The following MET variants were observed in gnomAD, a reference collection of about 807,000 sequenced individuals.
MET encodes hepatocyte growth factor receptor.
A neutral mutation model predicts 133.1 loss-of-function variants in MET; 48 were observed. The ratio of observed to expected loss-of-function variants is 0.36; its 90% CI spans 0.29 to 0.46. The LOEUF is 0.46. Ranked by LOEUF, MET falls within the 20% of genes least tolerant of loss-of-function variation. The pLI is 1.00. For missense variants in MET, 1,442 were observed against 1,695.9 expected (o/e 0.85, Z 2.63); for synonymous variants, 628 against 616.5 (o/e 1.02, Z -0.28).
intron 1 of MET, among the ~76,000 whole-genome samples, chr7:116,677,280 C>T (rs571198784): frequency 1.3e-5 from 2 of 152,290 alleles, no homozygotes; most frequent in African/African-American, 2.4e-5. Flanking sequence ...CCTTCCTTTT[C>T]CTTTCCAGTA....
At chr7:116,677,073 A>C (rs909470004) in intron 1 of MET, among the ~76,000 whole-genome samples, 1 of 151,504 alleles carries the variant, frequency 6.6e-6, no homozygotes, top group Non-Finnish European at 1.5e-5. Context: ...CCTCTATCAG[A>C]GATATTGCTC....
At chr7:116,743,255 C>T (rs1395333171) in intron 5 of MET, among the ~76,000 whole-genome samples, 1 of 152,238 alleles carries the variant, frequency 6.6e-6, no homozygotes, top group Admixed American at 6.5e-5. Flanking sequence ...AGGAGATTCC[C>T]TCATTTGCCT....
intron 19 of MET, among the ~76,000 whole-genome samples, chr7:116,790,158 C>A (rs951949650): frequency 3.9e-5 from 6 of 152,182 alleles, no homozygotes; most frequent in African/African-American, 1.4e-4. Flanking sequence ...CTGCATACAA[C>A]CATTTTTAAA....
In MET at chr7:116,722,110, G is replaced by A. The variant is rs1270700890; in HGVS notation, c.1201-9558G>A. ...TGTTAAAGTCTCCCATTATTAATGT[G>A]TGGGAGTCTAAGTCTCTTTGTAGGT... On this transcript the variant is annotated intron_variant, in intron 2 of 20. Transcript: ENST00000397752. Among the ~76,000 whole-genome samples, 18 of 151,380 alleles carry A rather than the reference G, an allele frequency of 1.2e-4. No homozygotes were observed. The East Asian group carries it at 2.9e-3, about 24-fold the overall frequency.
intron 11 of MET, among the ~76,000 whole-genome samples, chr7:116,764,720 C>T (rs1448959323): frequency 2.0e-5 from 3 of 152,076 alleles, no homozygotes; most frequent in Non-Finnish European, 4.4e-5. Flanking sequence ...CAATGGTATT[C>T]CCAACATGGC....
At chr7:116,675,748 C>T (rs1584845846) in intron 1 of MET, among the ~76,000 whole-genome samples, 3 of 142,872 alleles carry the variant, frequency 2.1e-5, no homozygotes, top group South Asian at 4.6e-4. Context: ...CTCCAGTTCT[C>T]TCTCTCTTTT....
At chr7:116,724,575 G>C (rs1792662666) in intron 2 of MET, among the ~76,000 whole-genome samples, 1 of 152,154 alleles carries the variant, frequency 6.6e-6, no homozygotes, top group Non-Finnish European at 1.5e-5. Context: ...AGCCTGTAGT[G>C]GTTGGAGGAC....
intron 1 of MET, 56 bp downstream of exon 1, chr7:116,672,633 GCTTT>G (rs1796015822): frequency 2.7e-6 from 1 of 373,320 alleles, no homozygotes; most frequent in Non-Finnish European, 4.8e-6. Flanking sequence ...CAGGGGTTCT[GCTTT>G]CTTTGTTCCC....
In MET at chr7:116,699,565, A is replaced by G. The variant is rs1584876914; in HGVS notation, c.481A>G (p.Ile161Val). Residue 161 changes from isoleucine (I) to valine (V), a missense_variant, in exon 2 of 21, where the codon ATA becomes GTA. Coordinates refer to ENST00000397752, the MANE Select transcript of MET (RefSeq NM_000245.4). ...TGACATACAGTCGGAGGTTCACTGC[A>G]TATTCTCCCCACAGATAGAAGAGCC... ...TADIQSEVHC[I>V]FSPQIEEPSQ... 2 of 1,613,866 alleles carry G rather than the reference A, an allele frequency of 1.2e-6. No homozygotes were observed. Among genetic ancestry groups the G allele is most frequent in the African/African-American group, 1.3e-5 (1 of 74,898 alleles).
At chr7:116,743,986 CA>C (rs1291544396) in intron 5 of MET, among the ~76,000 whole-genome samples, 1 of 152,162 alleles carries the variant, frequency 6.6e-6, no homozygotes, top group Non-Finnish European at 1.5e-5. Context: ...AAAGCAATAG[CA>C]TTAACATAAA....
chr7:116,713,394 C>CA (rs749848531), intron 2 of MET, among the ~76,000 whole-genome samples: 4,893 of 77,226 alleles, frequency 0.063, 264 homozygotes, highest in African/African-American at 0.16. Flanking sequence ...GACTCCGTCT[C>CA]AAAAAAAAAA....
At chr7:116,788,167 CCAAGAGA>C (rs1795375653) in intron 19 of MET, among the ~76,000 whole-genome samples, 1 of 151,934 alleles carries the variant, frequency 6.6e-6, no homozygotes, top group Non-Finnish European at 1.5e-5. Context: ...TTGCCTGGGG[CCAAGAGA>C]AGGAGTGAAG....
At chr7:116,732,508 TAA>T (rs893196174) in intron 3 of MET, among the ~76,000 whole-genome samples, 2 of 152,346 alleles carry the variant, frequency 1.3e-5, no homozygotes, top group Admixed American at 1.3e-4. Flanking sequence ...TTGCAGAAAT[TAA>T]AAGACTCTCT....
intron 16 of MET, among the ~76,000 whole-genome samples, chr7:116,777,717 C>T (rs1358997308): frequency 1.3e-5 from 2 of 152,160 alleles, no homozygotes; most frequent in Admixed American, 6.5e-5. Context: ...AACTGAGTAT[C>T]ATTTAACTAT....
At chr7:116,795,278 CT>C (rs1159570309) in intron 19 of MET, among the ~76,000 whole-genome samples, 1 of 152,082 alleles carries the variant, frequency 6.6e-6, no homozygotes, top group Non-Finnish European at 1.5e-5. Context: ...GGGAGGCTTT[CT>C]TCTTCTTTTA....
intron 5 of MET, among the ~76,000 whole-genome samples, chr7:116,743,951 T>A (rs193182346): frequency 6.6e-6 from 1 of 152,332 alleles, no homozygotes; most frequent in East Asian, 1.9e-4. Flanking sequence ...GAGGCCTGAC[T>A]GTTAGAAGAA....
chr7:116,743,752 C>T (rs1052538729), intron 5 of MET, among the ~76,000 whole-genome samples: 1 of 152,194 alleles, frequency 6.6e-6, no homozygotes, highest in African/African-American at 2.4e-5. Flanking sequence ...AGACACCTCC[C>T]AGCAGGGGTC....
chr7:116,771,394 A>G, intron 12 of MET, 104 bp from the exon 13 acceptor site: 2 of 1,302,626 alleles, frequency 1.5e-6, no homozygotes, highest in Non-Finnish European at 2.2e-6. Context: ...CATTTGTAGA[A>G]TGGTAATAAC....
At chr7:116,788,518 C>A (rs1266366684) in intron 19 of MET, among the ~76,000 whole-genome samples, 5 of 152,282 alleles carry the variant, frequency 3.3e-5, no homozygotes, top group African/African-American at 1.2e-4. Context: ...CCAAGGCTTC[C>A]ACCATAGCCA....
Sources: allele counts gnomAD v4.1 joint callset (sites outside exome capture counted in the v4.1 genomes callset), GRCh38; gene constraint gnomAD v4.1.1; transcripts MANE v1.5; gene names NCBI Gene and HGNC (gene_info 2026-07-23, HGNC 2026-07-21).